Variants in GABBR2 observed in about 807,000 individuals in gnomAD.
GABBR2 encodes gamma-aminobutyric acid type B receptor subunit 2.
Under a neutral mutation model 105.6 loss-of-function variants are expected in GABBR2, and 23 were observed. The ratio of observed to expected loss-of-function variants is 0.22; its 90% CI spans 0.16 to 0.31. GABBR2 has a LOEUF of 0.31. Ranked by LOEUF, GABBR2 falls within the 10% of genes least tolerant of loss-of-function variation. GABBR2 has a pLI of 1.00. For synonymous variants in GABBR2, 478 were observed against 499.7 expected (o/e 0.96, Z 0.58); for missense variants, 734 against 1,245.5 (o/e 0.59, Z 6.18).
intron 5 of GABBR2, among the ~76,000 whole-genome samples, chr9:98,480,219 T>C (rs982682384): frequency 6.6e-6 from 1 of 152,090 alleles, no homozygotes; most frequent in Non-Finnish European, 1.5e-5. Context: ...ATGGGGAGGA[T>C]TGGGAGCTGG....
chr9:98,653,756 C>T (rs766817216), intron 1 of GABBR2, among the ~76,000 whole-genome samples: 10 of 152,084 alleles, frequency 6.6e-5, no homozygotes, highest in Non-Finnish European at 1.5e-4. Context: ...TGCACACCCA[C>T]ACACACAAAC....
chr9:98,492,162 CCTGT>C (rs1827187087), intron 4 of GABBR2, among the ~76,000 whole-genome samples: 1 of 151,584 alleles, frequency 6.6e-6, no homozygotes, highest in Non-Finnish European at 1.5e-5. Flanking sequence ...TTTGGCAAAA[CCTGT>C]CTAAGTATGA....
At chr9:98,624,869 G>A (rs1447184257) in intron 1 of GABBR2, among the ~76,000 whole-genome samples, 1 of 152,188 alleles carries the variant, frequency 6.6e-6, no homozygotes, top group African/African-American at 2.4e-5. Flanking sequence ...CTTGAGCAAA[G>A]GCTTTTCTCT....
At chr9:98,628,272 A>G (rs576651979) in intron 1 of GABBR2, among the ~76,000 whole-genome samples, 1 of 152,354 alleles carries the variant, frequency 6.6e-6, no homozygotes, top group African/African-American at 2.4e-5. Context: ...GCTGACTCCA[A>G]AGCCACTCCT....
intron 6 of GABBR2, among the ~76,000 whole-genome samples, chr9:98,467,678 A>G (rs1299001000): frequency 6.6e-6 from 1 of 152,238 alleles, no homozygotes; most frequent in Non-Finnish European, 1.5e-5. Flanking sequence ...TGCTGGGTTG[A>G]ATAAATAATC....
chr9:98,436,182 T>TCCATGGC (rs1825899449), intron 7 of GABBR2, among the ~76,000 whole-genome samples: 1 of 148,996 alleles, frequency 6.7e-6, no homozygotes, highest in African/African-American at 2.5e-5. Context: ...TGATAAACCT[T>TCCATGGC]CCATGGCCCA....
At chr9:98,491,982 A>G (rs999316900) in intron 4 of GABBR2, among the ~76,000 whole-genome samples, 1 of 152,134 alleles carries the variant, frequency 6.6e-6, no homozygotes, top group Non-Finnish European at 1.5e-5. Flanking sequence ...TGGCTGGAAC[A>G]TCGTGTGAGC....
chr9:98,419,189 G>A (rs1832739471), intron 7 of GABBR2, among the ~76,000 whole-genome samples: 1 of 152,208 alleles, frequency 6.6e-6, no homozygotes, highest in South Asian at 2.1e-4. Context: ...AAGAGAAAAA[G>A]ATGCAGATCA....
At chr9:98,310,591 GGTTTGCA>G (rs1830620387) in intron 14 of GABBR2, among the ~76,000 whole-genome samples, 1 of 151,980 alleles carries the variant, frequency 6.6e-6, no homozygotes, top group Non-Finnish European at 1.5e-5. Flanking sequence ...AAGAGTGCTG[GGTTTGCA>G]GTTTGGAGGT....
chr9:98,541,930 C>A lies in GABBR2; in HGVS notation c.573G>T (p.Lys191Asn). 1 of 1,614,228 alleles carries A rather than the reference C, an allele frequency of 6.2e-7. No individual in the cohort carries two copies. Among genetic ancestry groups the A allele is most frequent in the Non-Finnish European group, 8.5e-7 (1 of 1,180,008 alleles). Residue 191 changes from lysine to asparagine, a missense_variant, in exon 3 of 19, where the codon AAG becomes AAT. By Grantham distance (94) the Lys-to-Asn change is moderately conservative. Transcript: ENST00000259455. ...TGCCCACGCGCTTCCACTGGTAGTG[C>A]TTGAGCAACTTCAGAATGGCTGGAT... ...AVNPAILKLLKHYQWKRVGTL... is the reference protein window; with the variant it reads ...AVNPAILKLLNHYQWKRVGTL...
rs1292112815 is a variant in GABBR2, at chr9:98,288,789, G to A, written c.*1795C>T. ...ACCTCCATAACCTCTCTTTGGGGAAGGGGAGCAGAAAGCTATGCTACGTGA... is the reference window on the plus strand; with the variant it reads ...ACCTCCATAACCTCTCTTTGGGGAAAGGGAGCAGAAAGCTATGCTACGTGA... On this transcript the variant is annotated 3_prime_UTR_variant, in exon 19 of 19. Coordinates refer to ENST00000259455, the MANE Select transcript of GABBR2 (RefSeq NM_005458.8). The A allele has an allele frequency of 6.5e-6, 1 of 152,712 alleles. No individual in the cohort carries two copies. Among genetic ancestry groups the A allele is most frequent in the East Asian group, 1.9e-4 (1 of 5,186 alleles). The allele number at this position is 152,712 out of a possible 1,614,324, so 9.5% of individuals were successfully genotyped here.
chr9:98,496,604 CA>C (rs1354527912), intron 3 of GABBR2, 90 bp from the exon 4 acceptor site: 7 of 807,268 alleles, frequency 8.7e-6, no homozygotes, highest in African/African-American at 6.7e-5. Flanking sequence ...GTCAATTGGG[CA>C]AAGCGATTTT....
chr9:98,299,481 G>A, intron 16 of GABBR2, 128 bp from the exon 17 acceptor site: 1 of 947,170 alleles, frequency 1.1e-6, no homozygotes, highest in African/African-American at 1.6e-5. Context: ...AGAATCAGAG[G>A]GGTTACTGCA....
chr9:98,452,605 T>C (rs1247509515), intron 7 of GABBR2, among the ~76,000 whole-genome samples: 2 of 152,270 alleles, frequency 1.3e-5, no homozygotes, highest in Non-Finnish European at 2.9e-5. Context: ...GAGTGCCTGC[T>C]ATGTGCCTAG....
intron 7 of GABBR2, among the ~76,000 whole-genome samples, chr9:98,432,224 TGGC>T (rs1448687294): frequency 2.0e-5 from 3 of 152,128 alleles, no homozygotes; most frequent in Non-Finnish European, 2.9e-5. Context: ...AGGAGTACCA[TGGC>T]CAGAGATTAT....
At chr9:98,577,833 C>G (rs1337968522) in intron 2 of GABBR2, 102 bp downstream of exon 2, 1 of 1,183,396 alleles carries the variant, frequency 8.5e-7, no homozygotes, top group Admixed American at 2.4e-5. Flanking sequence ...GAGGCCTGAC[C>G]CAGGCAACAT....
intron 13 of GABBR2, among the ~76,000 whole-genome samples, chr9:98,338,072 C>A (rs1281639554): frequency 6.6e-6 from 1 of 152,100 alleles, no homozygotes; most frequent in African/African-American, 2.4e-5. Context: ...TATCCACGTG[C>A]AAAATAATTA....
chr9:98,679,501 T>C (rs1205366106), intron 1 of GABBR2, among the ~76,000 whole-genome samples: 1 of 152,130 alleles, frequency 6.6e-6, no homozygotes, highest in Non-Finnish European at 1.5e-5. Flanking sequence ...ATGAAACAAG[T>C]AGAATTTCTA....
At chr9:98,459,915 G>A (rs1277785536) in intron 6 of GABBR2, among the ~76,000 whole-genome samples, 1 of 152,174 alleles carries the variant, frequency 6.6e-6, no homozygotes, top group African/African-American at 2.4e-5. Flanking sequence ...TTTCCCTGGA[G>A]AAAGAAAACA....
Sources: gnomAD v4.1 joint callset for allele counts (sites outside exome capture counted in the v4.1 genomes callset) on GRCh38, gnomAD v4.1.1 for gene constraint, MANE v1.5 for transcripts, NCBI Gene and HGNC (gene_info 2026-07-23, HGNC 2026-07-21) for gene names.